TRAPPC9: variants seen among roughly 807,000 people sequenced by gnomAD.
TRAPPC9 encodes the protein IKK2 binding protein.
A neutral mutation model predicts 124.0 loss-of-function variants in TRAPPC9; 83 were observed. The observed-to-expected ratio is 0.67, with a 90% CI of 0.56 to 0.80. TRAPPC9 has a LOEUF of 0.80. TRAPPC9 is among the 30% of genes least tolerant of loss of function. TRAPPC9 has a pLI of 0.00. For missense variants in TRAPPC9, 1,302 were observed against 1,508.3 expected, an observed-to-expected ratio of 0.86 and a Z score of 2.27; for synonymous variants, 638 against 617.5, an observed-to-expected ratio of 1.03 and a Z score of -0.49.
chr8:139,921,872 G>T (rs1414978692), intron 19 of TRAPPC9, among the ~76,000 whole-genome samples: 1 of 149,364 alleles, frequency 6.7e-6, no homozygotes, highest in Non-Finnish European at 1.5e-5. Flanking sequence ...CCGCGTCTGG[G>T]AGTGCACACC....
chr8:139,902,385 G>A (rs1016108491), intron 20 of TRAPPC9, among the ~76,000 whole-genome samples: 11 of 152,178 alleles, frequency 7.2e-5, no homozygotes, highest in South Asian at 4.1e-4. Flanking sequence ...TGACGGCCTC[G>A]CTGGCTGGCA....
chr8:139,803,125 T>C (rs1419494817), intron 21 of TRAPPC9, among the ~76,000 whole-genome samples: 1 of 152,118 alleles, frequency 6.6e-6, no homozygotes, highest in Non-Finnish European at 1.5e-5. Context: ...TGAATGTGTA[T>C]GTGAAGGTGT....
At chr8:140,378,584 A>T (rs1484559759) in intron 7 of TRAPPC9, among the ~76,000 whole-genome samples, 5 of 152,174 alleles carry the variant, frequency 3.3e-5, no homozygotes, top group Non-Finnish European at 7.4e-5. Context: ...TTATATATGT[A>T]TATATCCTAT....
In TRAPPC9 at chr8:140,337,541, G is replaced by C. The variant is rs2067075529; in HGVS notation, c.1495+22509C>G. ...AGGACTTGTCAATCCAGAAAGCAGA[G>C]ATAGAGAACAAGGTCACCGGCAAGA... On this transcript the variant is annotated intron_variant, in intron 9 of 22. Coordinates refer to ENST00000438773, the MANE Select transcript of TRAPPC9 (RefSeq NM_001160372.4). Among the ~76,000 whole-genome samples the C allele has an allele frequency of 5.3e-5, 8 of 152,326 alleles. No individual in the cohort carries two copies. The South Asian group carries it at 1.7e-3, about 32-fold the overall frequency.
At chr8:139,805,519 T>C (rs1474612482) in intron 21 of TRAPPC9, among the ~76,000 whole-genome samples, 1 of 152,232 alleles carries the variant, frequency 6.6e-6, no homozygotes, top group African/African-American at 2.4e-5. Context: ...AAAATGTTTA[T>C]TGAGTATCCA....
intron 1 of TRAPPC9, among the ~76,000 whole-genome samples, chr8:140,455,343 G>A (rs1165869167): frequency 6.6e-6 from 1 of 151,516 alleles, no homozygotes; most frequent in Non-Finnish European, 1.5e-5. Context: ...ATGTTGTCCA[G>A]GCTGGTCTCG....
chr8:139,945,816 G>A (rs1053929538), intron 19 of TRAPPC9, among the ~76,000 whole-genome samples: 1 of 152,164 alleles, frequency 6.6e-6, no homozygotes, highest in African/African-American at 2.4e-5. Flanking sequence ...TTGGTTGTTA[G>A]GGGAAATATA....
At chr8:139,852,250 T>G (rs575274909) in intron 21 of TRAPPC9, among the ~76,000 whole-genome samples, 126 of 152,320 alleles carry the variant, frequency 8.3e-4, no homozygotes, top group African/African-American at 2.9e-3. Context: ...AACCTCTTTC[T>G]TTTTAAAGAC....
chr8:140,092,850 CA>C (rs1844665483), intron 17 of TRAPPC9, among the ~76,000 whole-genome samples: 1 of 152,192 alleles, frequency 6.6e-6, no homozygotes, highest in Admixed American at 6.5e-5. Context: ...AACTCAGATT[CA>C]GAAAGAACTT....
chr8:139,995,989 A>C (rs1837939817), intron 18 of TRAPPC9, among the ~76,000 whole-genome samples: 1 of 151,540 alleles, frequency 6.6e-6, no homozygotes, highest in Non-Finnish European at 1.5e-5. Flanking sequence ...GAACCAGGAA[A>C]ATATCAAGTC....
At chr8:140,001,086 C>T (rs1312168872) in intron 18 of TRAPPC9, among the ~76,000 whole-genome samples, 1 of 152,138 alleles carries the variant, frequency 6.6e-6, no homozygotes, top group East Asian at 1.9e-4. Context: ...TTTTCGGGGA[C>T]ATGGATGAAG....
intron 10 of TRAPPC9, among the ~76,000 whole-genome samples, chr8:140,304,038 A>G (rs1333178761): frequency 6.6e-6 from 1 of 152,132 alleles, no homozygotes; most frequent in Non-Finnish European, 1.5e-5. Context: ...CTTCAAGTGT[A>G]CATATTACTG....
intron 21 of TRAPPC9, among the ~76,000 whole-genome samples, chr8:139,847,386 C>T (rs903198809): frequency 5.9e-5 from 9 of 152,262 alleles, no homozygotes; most frequent in South Asian, 2.1e-4. Flanking sequence ...AGGAAAGACA[C>T]GTGCAAGCAC....
intron 17 of TRAPPC9, among the ~76,000 whole-genome samples, chr8:140,076,854 A>G (rs542671488): frequency 6.6e-6 from 1 of 152,372 alleles, no homozygotes; most frequent in South Asian, 2.1e-4. Context: ...TAACATTTAT[A>G]TAATGTATAG....
At chr8:140,305,070 C>T (rs773097402) in intron 10 of TRAPPC9, among the ~76,000 whole-genome samples, 30 of 152,206 alleles carry the variant, frequency 2.0e-4, no homozygotes, top group Non-Finnish European at 4.1e-4. Flanking sequence ...TTTCCCAGCT[C>T]ACTGCTGGGA....
chr8:140,223,628 T>C (rs2063384739), intron 16 of TRAPPC9, among the ~76,000 whole-genome samples: 1 of 152,222 alleles, frequency 6.6e-6, no homozygotes, highest in African/African-American at 2.4e-5. Context: ...TACTTTTAAT[T>C]GACACAAAAT....
At chr8:139,786,445 G>A (rs779996720) in intron 21 of TRAPPC9, among the ~76,000 whole-genome samples, 1 of 151,946 alleles carries the variant, frequency 6.6e-6, no homozygotes, top group African/African-American at 2.4e-5. Flanking sequence ...TGGAACTCTC[G>A]TGCACTGCCA....
intron 16 of TRAPPC9, among the ~76,000 whole-genome samples, chr8:140,245,069 G>A (rs2063948052): frequency 6.6e-6 from 1 of 152,092 alleles, no homozygotes; most frequent in South Asian, 2.1e-4. Context: ...CTCCCAAAGT[G>A]CTGGGATTAC....
intron 19 of TRAPPC9, among the ~76,000 whole-genome samples, chr8:139,927,347 C>T (rs750077747): frequency 1.3e-5 from 2 of 152,082 alleles, no homozygotes; most frequent in Non-Finnish European, 2.9e-5. Context: ...CAGGCTCAAG[C>T]AATCCTTCCA....
Sources: gnomAD v4.1 joint callset for allele counts (sites outside exome capture counted in the v4.1 genomes callset) on GRCh38, gnomAD v4.1.1 for gene constraint, MANE v1.5 for transcripts, NCBI Gene and HGNC (gene_info 2026-07-23, HGNC 2026-07-21) for gene names.